Variants in CSMD1 observed in about 807,000 individuals in gnomAD.
CSMD1 encodes the protein CUB and sushi domain-containing protein 1.
Under a neutral mutation model 417.5 loss-of-function variants are expected in CSMD1, and 213 were observed. The ratio of observed to expected loss-of-function variants is 0.51; its 90% CI spans 0.46 to 0.57. CSMD1 has a LOEUF of 0.57. Among genes scored for constraint, CSMD1 ranks in the 20% least tolerant of loss-of-function variants. The pLI is 0.00. For missense variants in CSMD1, 6,923 were observed against 4,529.7 expected (o/e 1.53, Z -15.17); for synonymous variants, 2,862 against 1,736.8 (o/e 1.65, Z -16.11).
At chr8:4,918,876 C>A (rs1375752301) in intron 1 of CSMD1, among the ~76,000 whole-genome samples, 1 of 152,082 alleles carries the variant, frequency 6.6e-6, no homozygotes, top group Non-Finnish European at 1.5e-5. Flanking sequence ...CACACCCCTA[C>A]AACATGTAAT....
chr8:3,503,889 G>C (rs905608323), intron 10 of CSMD1, among the ~76,000 whole-genome samples: 3 of 139,590 alleles, frequency 2.1e-5, no homozygotes, highest in Non-Finnish European at 4.5e-5. Flanking sequence ...TTCAACTCTC[G>C]ACTTGGATGA....
intron 3 of CSMD1, among the ~76,000 whole-genome samples, chr8:4,233,027 G>C (rs1801837135): frequency 6.6e-6 from 1 of 152,152 alleles, no homozygotes; most frequent in East Asian, 1.9e-4. Flanking sequence ...TGCACCTGCA[G>C]ATCAAAACCA....
At chr8:3,373,247 A>T (rs896084106) in intron 18 of CSMD1, 1 of 152,130 alleles carries the variant, frequency 6.6e-6, no homozygotes, top group African/African-American at 2.4e-5. Context: ...TTGGGGAAAA[A>T]TCTGGGAGGG....
intron 10 of CSMD1, among the ~76,000 whole-genome samples, chr8:3,500,685 GCTA>G (rs1300695882): frequency 6.6e-6 from 1 of 152,168 alleles, no homozygotes; most frequent in Non-Finnish European, 1.5e-5. Context: ...TGTGTTGAAT[GCTA>G]CTAAGAATGT....
At chr8:4,578,111 T>G (rs552771647) in intron 2 of CSMD1, among the ~76,000 whole-genome samples, 16 of 152,270 alleles carry the variant, frequency 1.1e-4, no homozygotes, top group African/African-American at 3.4e-4. Flanking sequence ...TCTAGCAATT[T>G]TAATCTATAC....
intron 7 of CSMD1, among the ~76,000 whole-genome samples, chr8:3,646,236 G>A (rs1376592525): frequency 1.3e-5 from 2 of 152,012 alleles, no homozygotes; most frequent in Admixed American, 6.5e-5. Context: ...CATGTACATA[G>A]AAAAAGAAAC....
At chr8:3,702,300 A>C (rs2129037450) in intron 7 of CSMD1, 1 of 152,324 alleles carries the variant, frequency 6.6e-6, no homozygotes. Flanking sequence ...ATCAATATCG[A>C]ATTGGGCAAG....
chr8:3,497,337 T>C (rs1444446105), intron 10 of CSMD1, among the ~76,000 whole-genome samples: 1 of 152,226 alleles, frequency 6.6e-6, no homozygotes. Flanking sequence ...GTTGGGTGCA[T>C]ATATGTTTAC....
chr8:3,825,042 G>C (rs2129084556), intron 5 of CSMD1, among the ~76,000 whole-genome samples: 1 of 152,180 alleles, frequency 6.6e-6, no homozygotes, highest in Non-Finnish European at 1.5e-5. Context: ...TTCATATTTA[G>C]GGAGACTTCG....
intron 5 of CSMD1, among the ~76,000 whole-genome samples, chr8:3,781,204 G>A (rs1226833934): frequency 6.6e-6 from 1 of 152,088 alleles, no homozygotes; most frequent in African/African-American, 2.4e-5. Context: ...AGTGATAATT[G>A]GAGCAAAATT....
At chr8:3,245,859 T>C (rs1799848481) in intron 26 of CSMD1, among the ~76,000 whole-genome samples, 1 of 152,212 alleles carries the variant, frequency 6.6e-6, no homozygotes, top group Non-Finnish European at 1.5e-5. Flanking sequence ...TGCTTGATAA[T>C]GAAAGAGATT....
rs1352583298 is a variant in CSMD1, at chr8:3,372,772, T to C, written c.2783-3402A>G. Among the ~76,000 whole-genome samples the C allele has an allele frequency of 2.6e-5, 4 of 152,222 alleles. No individual in the cohort carries two copies. In the East Asian group the frequency reaches 7.7e-4, roughly 29 times the overall value. On this transcript the variant is annotated intron_variant, in intron 18 of 69. Coordinates refer to ENST00000635120, the MANE Select transcript of CSMD1 (RefSeq NM_033225.6). ...ATGGCCGACATTATAACAGGTTACA[T>C]AGGTCTGGAGGCCATGGAAGAGGGT...
At chr8:4,044,687 A>G (rs1585196323) in intron 3 of CSMD1, among the ~76,000 whole-genome samples, 1 of 152,100 alleles carries the variant, frequency 6.6e-6, no homozygotes. Flanking sequence ...GCCACCTACA[A>G]TCCTGGCTGC....
chr8:4,739,588 C>G (rs182771079), intron 1 of CSMD1, among the ~76,000 whole-genome samples: 1 of 152,150 alleles, frequency 6.6e-6, no homozygotes, highest in Non-Finnish European at 1.5e-5. Context: ...GAGAACAGGT[C>G]TCCTTTGGGT....
intron 1 of CSMD1, among the ~76,000 whole-genome samples, chr8:4,821,256 G>C (rs772406796): frequency 6.6e-6 from 1 of 152,156 alleles, no homozygotes; most frequent in Non-Finnish European, 1.5e-5. Context: ...GCAGACTCCA[G>C]TTCAAATTGA....
intron 1 of CSMD1, among the ~76,000 whole-genome samples, chr8:4,653,300 G>A (rs974233710): frequency 1.3e-5 from 2 of 152,074 alleles, no homozygotes; most frequent in African/African-American, 4.8e-5. Context: ...TTAAGGTGAC[G>A]ATCACTAGGC....
intron 3 of CSMD1, among the ~76,000 whole-genome samples, chr8:4,394,391 G>T (rs146973578): frequency 6.6e-6 from 1 of 152,220 alleles, no homozygotes; most frequent in South Asian, 2.1e-4. Flanking sequence ...ACTAGAAATG[G>T]TTTTCTTAGA....
chr8:4,219,534 C>G (rs1054783921), intron 3 of CSMD1, among the ~76,000 whole-genome samples: 2 of 141,078 alleles, frequency 1.4e-5, no homozygotes, highest in African/African-American at 5.4e-5. Flanking sequence ...GCAAACGTGA[C>G]TTAAACATTT....
chr8:3,303,791 A>ATAACT (rs796206380), intron 25 of CSMD1, among the ~76,000 whole-genome samples: 5 of 152,322 alleles, frequency 3.3e-5, no homozygotes, highest in African/African-American at 1.2e-4. Flanking sequence ...ATATTACCAA[A>ATAACT]TAACTTTCAA....
Sources: gnomAD v4.1 joint callset for allele counts (sites outside exome capture counted in the v4.1 genomes callset) on GRCh38, gnomAD v4.1.1 for gene constraint, MANE v1.5 for transcripts, NCBI Gene and HGNC (gene_info 2026-07-23, HGNC 2026-07-21) for gene names.